Variants in AKT3 observed in about 807,000 individuals in gnomAD.
The protein encoded by AKT3 is AKT serine/threonine kinase 3, also known as RAC-gamma serine/threonine-protein kinase.
In AKT3, 15 loss-of-function variants were observed where a neutral mutation model predicts 65.3. The ratio of observed to expected loss-of-function variants is 0.23; its 90% CI spans 0.15 to 0.35. AKT3 has a LOEUF of 0.35. AKT3 is among the 10% of genes least tolerant of loss of function. The probability of loss-of-function intolerance (pLI) is 1.00; values close to 1 mark genes in which losing one functional copy is unlikely to be tolerated. For missense variants in AKT3, 243 were observed against 576.5 expected, an observed-to-expected ratio of 0.42 and a Z score of 5.92; for synonymous variants, 206 against 183.8, an observed-to-expected ratio of 1.12 and a Z score of -0.98.
rs114025835 is a variant in AKT3 at position 243,561,921 on chromosome 1, C to T, written c.948+1799G>A. ...AAAGGTGTGGTCTCTGTCTCTACCA[C>T]TTTAACCTGTGCAGGCTTACAACTG... is the stretch of plus-strand genomic sequence containing the variant. On this transcript the variant is annotated intron_variant, in intron 10 of 13. Coordinates refer to ENST00000673466, the MANE Select transcript of AKT3 (RefSeq NM_005465.7). Among the ~76,000 whole-genome samples the T allele has an allele frequency of 7.2e-3, 1,096 of 152,268 alleles. 9 individuals are homozygous for T. Among genetic ancestry groups the T allele is most frequent in the Non-Finnish European group, 0.011 (769 of 68,010 alleles).
At chr1:243,801,178 T>A (rs1009262243) in intron 2 of AKT3, among the ~76,000 whole-genome samples, 7 of 152,226 alleles carry the variant, frequency 4.6e-5, no homozygotes, top group African/African-American at 1.7e-4. Flanking sequence ...GTTATCTATG[T>A]TATTCCTCAG....
intron 10 of AKT3, among the ~76,000 whole-genome samples, chr1:243,561,058 AC>A (rs1187406429): frequency 6.6e-6 from 1 of 152,128 alleles, no homozygotes; most frequent in Non-Finnish European, 1.5e-5. Context: ...TAATTAAACC[AC>A]AAAAATAGAG....
intron 2 of AKT3, among the ~76,000 whole-genome samples, chr1:243,720,371 T>C (rs1285964820): frequency 6.7e-6 from 1 of 148,160 alleles, no homozygotes; most frequent in Non-Finnish European, 1.5e-5. Context: ...ATGTTACATA[T>C]ATTTTTGCCA....
intron 2 of AKT3, among the ~76,000 whole-genome samples, chr1:243,835,881 T>A (rs1033209319): frequency 1.3e-5 from 2 of 152,076 alleles, no homozygotes; most frequent in African/African-American, 4.8e-5. Context: ...TAACATTAAC[T>A]ATAAATTTTT....
intron 2 of AKT3, among the ~76,000 whole-genome samples, chr1:243,821,198 T>C (rs578048698): frequency 6.6e-6 from 1 of 151,946 alleles, no homozygotes; most frequent in African/African-American, 2.4e-5. Context: ...TAGGCTTAGT[T>C]TGGAAAAATA....
chr1:243,807,395 C>T (rs1388819728), intron 2 of AKT3, among the ~76,000 whole-genome samples: 1 of 152,216 alleles, frequency 6.6e-6, no homozygotes, highest in African/African-American at 2.4e-5. Context: ...TATCCCATGC[C>T]TGGCTCGGAG....
intron 12 of AKT3, among the ~76,000 whole-genome samples, chr1:243,534,536 G>T (rs1479092237): frequency 6.6e-6 from 1 of 152,172 alleles, no homozygotes; most frequent in Admixed American, 6.5e-5. Flanking sequence ...TTTTATCCAA[G>T]AAAAGCAGAA....
intron 6 of AKT3, among the ~76,000 whole-genome samples, chr1:243,631,707 G>A (rs942200178): frequency 6.6e-6 from 1 of 152,138 alleles, no homozygotes; most frequent in Admixed American, 6.5e-5. Flanking sequence ...CTTCACAATC[G>A]GAGTCAATCC....
chr1:243,613,611 A>T (rs2148604140), intron 8 of AKT3, 60 bp downstream of exon 8: 1 of 1,282,906 alleles, frequency 7.8e-7, no homozygotes, highest in South Asian at 1.6e-5. Context: ...TATTTTAAGT[A>T]ATGTTTTTAA....
chr1:243,712,403 C>T (rs1433636259), intron 2 of AKT3, among the ~76,000 whole-genome samples: 5 of 152,158 alleles, frequency 3.3e-5, no homozygotes, highest in Non-Finnish European at 7.3e-5. Context: ...AGACATTACT[C>T]TGGACACGAA....
At chr1:243,828,708 T>A (rs1694323018) in intron 2 of AKT3, among the ~76,000 whole-genome samples, 1 of 152,208 alleles carries the variant, frequency 6.6e-6, no homozygotes, top group African/African-American at 2.4e-5. Flanking sequence ...ATGGACTGTT[T>A]ATGTTATCCG....
chr1:243,574,636 A>C (rs1674807131), intron 8 of AKT3, among the ~76,000 whole-genome samples: 1 of 152,146 alleles, frequency 6.6e-6, no homozygotes, highest in Non-Finnish European at 1.5e-5. Context: ...TTACTCAGGG[A>C]TATTTTAAAA....
chr1:243,572,314 T>G (rs2148505494), intron 9 of AKT3, among the ~76,000 whole-genome samples: 1 of 152,246 alleles, frequency 6.6e-6, no homozygotes, highest in Admixed American at 6.5e-5. Context: ...TGGAGTTGAG[T>G]AGTTTACAAA....
At chr1:243,662,842 A>C (rs1682474588) in intron 4 of AKT3, among the ~76,000 whole-genome samples, 1 of 152,214 alleles carries the variant, frequency 6.6e-6, no homozygotes. Context: ...CATTTGTATT[A>C]ATACTGTTTT....
chr1:243,537,474 T>G (rs1305839619), intron 12 of AKT3, among the ~76,000 whole-genome samples: 1 of 152,174 alleles, frequency 6.6e-6, no homozygotes, highest in African/African-American at 2.4e-5. Flanking sequence ...CAGACTAAAA[T>G]AGGAGTCCTC....
At chr1:243,694,975 A>T (rs1373863854) in intron 3 of AKT3, among the ~76,000 whole-genome samples, 1 of 152,048 alleles carries the variant, frequency 6.6e-6, no homozygotes, top group African/African-American at 2.4e-5. Context: ...ATTAATCAAT[A>T]TATTTGAAGA....
At chr1:243,659,028 T>C (rs1204047968) in intron 4 of AKT3, among the ~76,000 whole-genome samples, 2 of 149,058 alleles carry the variant, frequency 1.3e-5, no homozygotes, top group African/African-American at 2.5e-5. Context: ...AGACCTTGTC[T>C]CAAAAAAAAA....
intron 3 of AKT3, among the ~76,000 whole-genome samples, chr1:243,671,078 CTTT>C (rs569050061): frequency 4.4e-5 from 6 of 137,152 alleles, no homozygotes; most frequent in African/African-American, 8.2e-5. Context: ...TAATAGATTC[CTTT>C]TTTTTTTTTT....
At chr1:243,836,383 T>A in intron 2 of AKT3, among the ~76,000 whole-genome samples, 1 of 146,334 alleles carries the variant, frequency 6.8e-6, no homozygotes, top group African/African-American at 2.5e-5. Flanking sequence ...TCAAAATATA[T>A]AAAATTAAAA....
Sources: gnomAD v4.1 joint callset for allele counts (sites outside exome capture counted in the v4.1 genomes callset) on GRCh38, gnomAD v4.1.1 for gene constraint, MANE v1.5 for transcripts, NCBI Gene and HGNC (gene_info 2026-07-23, HGNC 2026-07-21) for gene names.